ZDHHC3: variants seen among roughly 807,000 people sequenced by gnomAD.
ZDHHC3 encodes the protein palmitoyltransferase ZDHHC3.
A neutral mutation model predicts 30.6 loss-of-function variants in ZDHHC3; 9 were observed. The observed-to-expected ratio is 0.29, with a 90% confidence interval of 0.18 to 0.51. The LOEUF is 0.51. Ranked by LOEUF, ZDHHC3 falls within the 20% of genes least tolerant of loss-of-function variation. The probability of loss-of-function intolerance (pLI) is 0.97; values close to 1 mark genes in which losing one functional copy is unlikely to be tolerated. For synonymous variants in ZDHHC3, 136 were observed against 140.2 expected (o/e 0.97, Z 0.21); for missense variants, 246 against 384.2 (o/e 0.64, Z 3.01).
At chr3:44,966,054 C>CTGGTTTAACA (rs369501863) in intron 1 of ZDHHC3, among the ~76,000 whole-genome samples, 1 of 152,190 alleles carries the variant, frequency 6.6e-6, no homozygotes, top group African/African-American at 2.4e-5. Context: ...TGTATACAGA[C>CTGGTTTAACA]TGGTTTAACA....
intron 2 of ZDHHC3, among the ~76,000 whole-genome samples, chr3:44,945,919 T>C (rs1702889803): frequency 6.6e-6 from 1 of 152,194 alleles, no homozygotes. Context: ...TGTATTTTCA[T>C]TTTACTGGAA....
rs1438689665 is a variant in ZDHHC3, at chr3:44,922,992, C to T, written c.*3697G>A. 1.3e-5 allele frequency: 13 copies of T among 985,178 alleles called. No individual in the cohort carries two copies. The South Asian group carries it at 2.8e-4, about 21-fold the overall frequency. 61.0% of individuals were successfully genotyped at this position (985,178 alleles called of 1,614,324 possible). Reference sequence around the variant, plus strand: ...TCTTGAAAAGAGAGAAATTTAAAACCCATTAGCCTGGCTGAGAAAGCCCAT... The same window carrying T: ...TCTTGAAAAGAGAGAAATTTAAAACTCATTAGCCTGGCTGAGAAAGCCCAT... On this transcript the variant is annotated 3_prime_UTR_variant, in exon 7 of 7. Transcript: ENST00000424952.
intron 3 of ZDHHC3, among the ~76,000 whole-genome samples, chr3:44,938,784 T>G (rs1447250651): frequency 6.6e-6 from 1 of 152,066 alleles, no homozygotes; most frequent in Non-Finnish European, 1.5e-5. Flanking sequence ...AGGTGTGCTG[T>G]CCCCTGGATT....
intron 2 of ZDHHC3, among the ~76,000 whole-genome samples, chr3:44,956,834 C>T (rs935949264): frequency 6.6e-6 from 1 of 152,122 alleles, no homozygotes; most frequent in African/African-American, 2.4e-5. Context: ...CACACCCTGT[C>T]TCTCTGAAGG....
Position 44,915,748 on chromosome 3 carries a change from G to A in ZDHHC3, c.*10941C>T, listed in dbSNP as rs1700121338. On this transcript the variant is annotated 3_prime_UTR_variant, in exon 7 of 7. Coordinates refer to ENST00000424952, the MANE Select transcript of ZDHHC3 (RefSeq NM_001135179.2). ...CAAGGACATTTCTCAAGGGCCATGT[G>A]GTTTTGCAGACACTGCTGTCCTCAG... 4 of 152,264 alleles carry A rather than the reference G, an allele frequency of 2.6e-5. No individual in the cohort carries two copies. Among genetic ancestry groups the A allele is most frequent in the Non-Finnish European group, 5.9e-5 (4 of 68,090 alleles). The allele number at this position is 152,264 out of a possible 1,614,324, so 9.4% of individuals were successfully genotyped here. A position where few individuals can be genotyped will look rare whatever the true frequency, so the allele number is the denominator to read the frequency against.
At chr3:44,963,023 A>C (rs1359480961) in intron 1 of ZDHHC3, among the ~76,000 whole-genome samples, 2 of 152,174 alleles carry the variant, frequency 1.3e-5, no homozygotes, top group Non-Finnish European at 2.9e-5. Context: ...CACTTAATAC[A>C]TGTGTTGATT....
Position 44,916,769 on chromosome 3 carries a change from G to A in ZDHHC3, c.*9920C>T, listed in dbSNP as rs1400848577. On this transcript the variant is annotated 3_prime_UTR_variant, in exon 7 of 7. Transcript: ENST00000424952. ...GAACGCTGCTCAGACCTTCAGCAGT[G>A]GTCACAGACACCACAGGCTTCAAAT... 6.6e-6 allele frequency: 1 copy of A among 152,234 alleles called. No individual in the cohort carries two copies. The highest frequency in any genetic ancestry group is 2.4e-5 in the African/African-American group (1 of 41,418). 9.4% of individuals were successfully genotyped at this position (152,234 alleles called of 1,614,324 possible).
intron 1 of ZDHHC3, among the ~76,000 whole-genome samples, chr3:44,972,032 G>C (rs1203798045): frequency 6.6e-6 from 1 of 152,188 alleles, no homozygotes; most frequent in African/African-American, 2.4e-5. Context: ...AAAGGAAACA[G>C]ATCTACAGGC....
chr3:44,927,758 C>T (rs1325789704), intron 6 of ZDHHC3, among the ~76,000 whole-genome samples: 1 of 152,348 alleles, frequency 6.6e-6, no homozygotes, highest in East Asian at 1.9e-4. Context: ...GAACGGGGCC[C>T]CTGCCCAGAG....
In ZDHHC3 at chr3:44,975,701, A is replaced by G. The variant is rs978817221; in HGVS notation, c.-25+232T>C. Among the ~76,000 whole-genome samples, 7 of 151,728 alleles carry G rather than the reference A, an allele frequency of 4.6e-5. No individual in the cohort carries two copies. In the East Asian group the frequency reaches 1.4e-3, roughly 30 times the overall value. Reference sequence around the variant, plus strand: ...AAATGGAGGGGAGAAGAGCAGGGAAACAGCACCCCCGGGCCAATCACGACG... The same window carrying G: ...AAATGGAGGGGAGAAGAGCAGGGAAGCAGCACCCCCGGGCCAATCACGACG... On this transcript the variant is annotated intron_variant, in intron 1 of 6. Coordinates refer to ENST00000424952, the MANE Select transcript of ZDHHC3 (RefSeq NM_001135179.2).
Position 44,917,664 on chromosome 3 carries a change from G to A in ZDHHC3, c.*9025C>T, listed in dbSNP as rs1700274599. On this transcript the variant is annotated 3_prime_UTR_variant, in exon 7 of 7. Coordinates refer to ENST00000424952, the MANE Select transcript of ZDHHC3 (RefSeq NM_001135179.2). ...GTCTCAGTGCAGACTCTTCTTAGAT[G>A]AACTCTGAGAAAGCCCCCATCCTCC... The A allele has an allele frequency of 2.7e-6, 1 of 370,504 alleles. No homozygotes were observed. Among genetic ancestry groups the A allele is most frequent in the South Asian group, 2.1e-5 (1 of 46,682 alleles). 23.0% of individuals were successfully genotyped at this position (370,504 alleles called of 1,614,324 possible). A position where few individuals can be genotyped will look rare whatever the true frequency, so the allele number is the denominator to read the frequency against.
Position 44,925,465 on chromosome 3 carries a change from C to CT in ZDHHC3, c.*1223dup. 1 of 985,494 alleles carries CT rather than the reference C, an allele frequency of 1.0e-6. No individual in the cohort carries two copies. Among genetic ancestry groups the CT allele is most frequent in the Non-Finnish European group, 1.2e-6 (1 of 829,940 alleles). 61.0% of individuals were successfully genotyped at this position (985,494 alleles called of 1,614,324 possible). A position where few individuals can be genotyped will look rare whatever the true frequency, so the allele number is the denominator to read the frequency against. ...AGGGCACTCCCTACCTCCTTCACCT[C>CT]TATCCACCATCACCACCTCCTTCAA... On this transcript the variant is annotated 3_prime_UTR_variant, in exon 7 of 7. Coordinates refer to ENST00000424952, the MANE Select transcript of ZDHHC3 (RefSeq NM_001135179.2).
At chr3:44,943,655 T>C (rs1164664595) in intron 3 of ZDHHC3, among the ~76,000 whole-genome samples, 2 of 152,142 alleles carry the variant, frequency 1.3e-5, no homozygotes, top group South Asian at 2.1e-4. Context: ...CCCAAACACA[T>C]ACCCTCTGAA....
At chr3:44,941,212 C>T (rs527548569) in intron 3 of ZDHHC3, among the ~76,000 whole-genome samples, 1 of 152,290 alleles carries the variant, frequency 6.6e-6, no homozygotes, top group South Asian at 2.1e-4. Context: ...GCCATGGCGT[C>T]ACACACAGGT....
rs190672077 is a variant in ZDHHC3, at chr3:44,921,015, G to A, written c.*5674C>T. 1 of 985,436 alleles carries A rather than the reference G, an allele frequency of 1.0e-6. No individual in the cohort carries two copies. Among genetic ancestry groups the A allele is most frequent in the Admixed American group, 6.1e-5 (1 of 16,280 alleles). The allele number at this position is 985,436 out of a possible 1,614,324, so 61.0% of individuals were successfully genotyped here. On this transcript the variant is annotated 3_prime_UTR_variant, in exon 7 of 7. Coordinates refer to ENST00000424952, the MANE Select transcript of ZDHHC3 (RefSeq NM_001135179.2). ...CTGCAGGCAAAGTTCTTAAGCTTGA[G>A]GTTTGCAGAGGAGCAGTAATAGTAG...
chr3:44,935,172 G>A (rs77131223), intron 3 of ZDHHC3, among the ~76,000 whole-genome samples: 1,574 of 152,276 alleles, frequency 0.01, 26 homozygotes, highest in African/African-American at 0.036. Flanking sequence ...TTTTTAATCT[G>A]AGGAATGTGA....
intron 5 of ZDHHC3, among the ~76,000 whole-genome samples, chr3:44,932,219 A>G (rs1054615990): frequency 6.6e-6 from 1 of 152,052 alleles, no homozygotes; most frequent in Non-Finnish European, 1.5e-5. Flanking sequence ...ACTCACCTAG[A>G]TATGCAGAAT....
In ZDHHC3 at chr3:44,919,033, T is replaced by A; in HGVS notation, c.*7656A>T. 1.0e-6 allele frequency: 1 copy of A among 985,436 alleles called. No homozygotes were observed. The highest frequency in any genetic ancestry group is 1.7e-5 in the African/African-American group (1 of 57,366). 61.0% of individuals were successfully genotyped at this position (985,436 alleles called of 1,614,324 possible). On this transcript the variant is annotated 3_prime_UTR_variant, in exon 7 of 7. Coordinates refer to ENST00000424952, the MANE Select transcript of ZDHHC3 (RefSeq NM_001135179.2). ...GCTCCTTCACATGACTCAAGAAAGA[T>A]CTCTGTGTATCTAGCACTTTTTCTT... is the stretch of plus-strand genomic sequence containing the variant.
chr3:44,962,201 T>G (rs907795072), intron 1 of ZDHHC3, among the ~76,000 whole-genome samples: 1 of 152,240 alleles, frequency 6.6e-6, no homozygotes, highest in Non-Finnish European at 1.5e-5. Context: ...GGATAATCAC[T>G]GAAAATAAAT....
Sources: allele counts gnomAD v4.1 joint callset (sites outside exome capture counted in the v4.1 genomes callset), GRCh38; gene constraint gnomAD v4.1.1; transcripts MANE v1.5; gene names NCBI Gene and HGNC (gene_info 2026-07-23, HGNC 2026-07-21).